The following DENND2B variants were observed in gnomAD, a reference collection of about 807,000 sequenced individuals.
The protein encoded by DENND2B is DENN domain-containing protein 2B.
Under a neutral mutation model 116.0 loss-of-function variants are expected in DENND2B, and 32 were observed. That is an observed-to-expected ratio of 0.28 (90% CI 0.21 to 0.37). The LOEUF is 0.37. Ranked by LOEUF, DENND2B falls within the 10% of genes least tolerant of loss-of-function variation. DENND2B has a pLI of 1.00. For missense variants in DENND2B, 1,276 were observed against 1,477.7 expected, an observed-to-expected ratio of 0.86 and a Z score of 2.24; for synonymous variants, 588 against 583.9, an observed-to-expected ratio of 1.01 and a Z score of -0.10.
intron 2 of DENND2B, among the ~76,000 whole-genome samples, chr11:8,735,631 A>ATC (rs749570402): frequency 7.9e-5 from 12 of 152,184 alleles, no homozygotes; most frequent in Non-Finnish European, 1.6e-4. Flanking sequence ...TCTGGATTGG[A>ATC]TCTCTCTCTC....
At chr11:8,793,477 G>A (rs1379267122) in intron 1 of DENND2B, among the ~76,000 whole-genome samples, 1 of 152,186 alleles carries the variant, frequency 6.6e-6, no homozygotes, top group Non-Finnish European at 1.5e-5. Flanking sequence ...AGTTAGGGCA[G>A]CATTTTCAAG....
At chr11:8,762,282 G>A (rs371498316) in intron 1 of DENND2B, among the ~76,000 whole-genome samples, 8 of 152,082 alleles carry the variant, frequency 5.3e-5, no homozygotes, top group South Asian at 2.1e-4. Context: ...CACACTGTCC[G>A]ATACCATGTG....
chr11:8,830,179 A>G (rs1211376806), intron 4 of DENND2B, among the ~76,000 whole-genome samples: 2 of 152,104 alleles, frequency 1.3e-5, no homozygotes, highest in Non-Finnish European at 2.9e-5. Flanking sequence ...CACATCACCT[A>G]TGTAATGGCA....
At chr11:8,696,770 G>A (rs553556536) in intron 17 of DENND2B, 104 bp from the exon 18 acceptor site, 40 of 1,505,318 alleles carry the variant, frequency 2.7e-5, no homozygotes, top group African/African-American at 2.4e-4. Context: ...CTTCCAGCCA[G>A]TACCACTCTT....
At position 8,825,777 on chromosome 11, in the gene DENND2B, A is replaced by G. The variant is rs1235211115; in HGVS notation, c.-115+13533T>C. On this transcript the variant is annotated intron_variant, in intron 4 of 6. Transcript: ENST00000524757. Reference sequence around the variant, plus strand: ...GAAAAATACTGCAAGACAACAGGATAAAGATGGTTATTAGTGAAAAAGACC... The same window carrying G: ...GAAAAATACTGCAAGACAACAGGATGAAGATGGTTATTAGTGAAAAAGACC... 3.3e-5 allele frequency among the ~76,000 whole-genome samples: 5 copies of G among 152,206 alleles called. 1 individual carries two copies. Among genetic ancestry groups the G allele is most frequent in the South Asian group, 4.1e-4 (2 of 4,830 alleles).
At chr11:8,760,444 C>T (rs1346127154) in intron 1 of DENND2B, among the ~76,000 whole-genome samples, 2 of 152,110 alleles carry the variant, frequency 1.3e-5, no homozygotes, top group African/African-American at 4.8e-5. Context: ...AGAGCGAGAC[C>T]CTGTCTTTAC....
chr11:8,828,924 AG>A (rs1274154490), intron 4 of DENND2B, among the ~76,000 whole-genome samples: 3 of 152,038 alleles, frequency 2.0e-5, no homozygotes, highest in Non-Finnish European at 2.9e-5. Context: ...GGAGGGAGGC[AG>A]GGAAGGGAGG....
intron 1 of DENND2B, chr11:8,766,566 G>A: frequency 7.3e-6 from 9 of 1,231,170 alleles, no homozygotes; most frequent in Non-Finnish European, 9.6e-6. Flanking sequence ...CCAAGGAGAG[G>A]GCTTCCACTG....
chr11:8,711,284 G>C, intron 9 of DENND2B, 53 bp from the exon 10 acceptor site: 1 of 1,558,826 alleles, frequency 6.4e-7, no homozygotes, highest in South Asian at 1.1e-5. Flanking sequence ...GCGGGTGGTG[G>C]TGGCTGAGAA....
intron 13 of DENND2B, among the ~76,000 whole-genome samples, chr11:8,706,332 A>C (rs2042596728): frequency 6.6e-6 from 1 of 152,194 alleles, no homozygotes; most frequent in African/African-American, 2.4e-5. Flanking sequence ...CCAAATCCTT[A>C]ACTTGGCCTA....
rs965860798 is a variant in DENND2B at position 8,712,943 on chromosome 11, G to A, written c.1988-208C>T. Among the ~76,000 whole-genome samples the A allele has an allele frequency of 7.9e-5, 12 of 152,196 alleles. No homozygotes were observed. Among genetic ancestry groups the A allele is most frequent in the African/African-American group, 2.9e-4 (12 of 41,450 alleles). Reference sequence around the variant, plus strand: ...TCTGCCCTGACACAGGAAGCTGCGGGCCTGGTCCTCCTGGAGCCTCTGGAG... The same window carrying A: ...TCTGCCCTGACACAGGAAGCTGCGGACCTGGTCCTCCTGGAGCCTCTGGAG... On this transcript the variant is annotated intron_variant, in intron 8 of 19. Coordinates refer to ENST00000313726, the MANE Select transcript of DENND2B (RefSeq NM_213618.2). The surrounding 1 kb of genome is among the most constrained non-coding windows in gnomAD (Gnocchi z 4.4).
chr11:8,757,422 G>T (rs915240742), intron 1 of DENND2B, among the ~76,000 whole-genome samples: 2 of 152,126 alleles, frequency 1.3e-5, no homozygotes, highest in African/African-American at 4.8e-5. Context: ...ATATTAACAT[G>T]GAAGACACAG....
chr11:8,849,259 A>C (rs765303003), intron 3 of DENND2B, among the ~76,000 whole-genome samples: 89 of 151,954 alleles, frequency 5.9e-4, no homozygotes, highest in Admixed American at 1.5e-3. Flanking sequence ...TTGGGAGGCC[A>C]AGGTGGGTGG....
chr11:8,771,936 C>T (rs1593448512), intron 1 of DENND2B: 1 of 152,028 alleles, frequency 6.6e-6, no homozygotes, highest in East Asian at 1.9e-4. Flanking sequence ...TCTGAAGGGT[C>T]CTACCTCTTA....
rs553115420 is a variant in DENND2B, at chr11:8,693,724, C to CAGGG, written c.*371_*372insCCCT. The CAGGG allele has an allele frequency of 1.3e-3, 279 of 210,362 alleles. No homozygotes were observed. Among genetic ancestry groups the CAGGG allele is most frequent in the Admixed American group, 2.3e-3 (41 of 17,472 alleles). The allele number at this position is 210,362 out of a possible 1,614,324, so 13.0% of individuals were successfully genotyped here. On this transcript the variant is annotated 3_prime_UTR_variant, in exon 20 of 20. Transcript: ENST00000313726. The stretch of plus-strand genomic sequence containing the variant: ...ACTGGCAGCGGGGACCTCAGGCAGG[C>CAGGG]AGGCAGGCCGAAGGCCTCCAGGGAA...
At chr11:8,902,325 CAAAA>C (rs71059192) in intron 1 of DENND2B, among the ~76,000 whole-genome samples, 4 of 128,046 alleles carry the variant, frequency 3.1e-5, no homozygotes, top group Non-Finnish European at 1.6e-5. Context: ...GACTCCATCT[CAAAA>C]AAAAAAAAAA....
intron 1 of DENND2B, chr11:8,771,656 C>T (rs915985346): frequency 6.7e-6 from 1 of 150,184 alleles, no homozygotes; most frequent in East Asian, 2.0e-4. Context: ...TGATTCATAA[C>T]AAGTCCCTCT....
intron 2 of DENND2B, among the ~76,000 whole-genome samples, chr11:8,879,425 C>A (rs1472458554): frequency 6.6e-6 from 1 of 152,154 alleles, no homozygotes; most frequent in Non-Finnish European, 1.5e-5. Context: ...CTTAGCTCCT[C>A]CTGACTGATA....
At chr11:8,699,044 G>A (rs2040994806) in intron 15 of DENND2B, 70 bp from the exon 16 acceptor site, 1 of 1,590,958 alleles carries the variant, frequency 6.3e-7, no homozygotes, top group South Asian at 1.1e-5. Flanking sequence ...CAGGCCTCCA[G>A]ACCTCCCAGG....
Sources: allele counts gnomAD v4.1 joint callset (sites outside exome capture counted in the v4.1 genomes callset), GRCh38; gene constraint gnomAD v4.1.1; non-coding constraint Gnocchi (gnomAD v3.1); transcripts MANE v1.5; gene names NCBI Gene and HGNC (gene_info 2026-07-23, HGNC 2026-07-21).